The following ADGRG4 variants were observed in gnomAD, a reference collection of about 807,000 sequenced individuals.
ADGRG4 encodes the protein adhesion G protein-coupled receptor G4, also known as G protein-coupled receptor 112.
In ADGRG4, 122 loss-of-function variants were observed where a neutral mutation model predicts 126.2. The observed-to-expected ratio is 0.97, with a 90% CI of 0.83 to 1.12. The LOEUF (loss-of-function observed/expected upper bound fraction) is 1.12. Among genes scored for constraint, ADGRG4 ranks in the 50% most tolerant of loss-of-function variants. ADGRG4 has a pLI of 0.00. For missense variants in ADGRG4, 2,481 were observed against 2,251.8 expected, an observed-to-expected ratio of 1.10 and a Z score of -2.06; for synonymous variants, 943 against 838.7, an observed-to-expected ratio of 1.12 and a Z score of -2.15.
intron 8 of ADGRG4, 27 bp from the exon 9 acceptor site, chrX:136,356,099 T>C (rs2148473292): frequency 8.8e-7 from 1 of 1,132,042 alleles, no homozygotes; most frequent in Non-Finnish European, 1.2e-6. Flanking sequence ...TTCATTTTCC[T>C]ATAATTTTGT....
At chrX:136,355,484 T>C (rs746570543) in intron 8 of ADGRG4, among the ~76,000 whole-genome samples, 90 of 111,764 alleles carry the variant, frequency 8.1e-4, no homozygotes, top group African/African-American at 2.7e-3. Context: ...TTATTTTTCC[T>C]TATTACAAAA....
chrX:136,383,881 C>CTTCCTTTCCT lies in ADGRG4; in HGVS notation c.7777-3840_7777-3831dup, dbSNP rs199828604. 5.9e-4 allele frequency among the ~76,000 whole-genome samples: 31 copies of CTTCCTTTCCT among 52,460 alleles called. 2 individuals are homozygous for CTTCCTTTCCT. The highest frequency in any genetic ancestry group is 2.0e-3 in the African/African-American group (28 of 13,856). 45.6% of individuals were successfully genotyped at this position (52,460 alleles called of 115,157 possible). A position where few individuals can be genotyped will look rare whatever the true frequency, so the allele number is the denominator to read the frequency against. On this transcript the variant is annotated intron_variant, in intron 15 of 25. Transcript: ENST00000394143. ...TTCTTTCTTTCTTTCTTTCTTCTTT[C>CTTCCTTTCCT]TTCCTTTCCTTTCCTTTCCTTTCCT...
rs34982682 is a variant in ADGRG4, at chrX:136,398,188, TA to T, written c.8306+190del. Among the ~76,000 whole-genome samples, 772 of 112,203 alleles carry T rather than the reference TA, an allele frequency of 6.9e-3. 9 individuals are homozygous for T. Among genetic ancestry groups the T allele is most frequent in the African/African-American group, 0.024 (738 of 30,879 alleles). On this transcript the variant is annotated intron_variant, in intron 20 of 25. Coordinates refer to ENST00000394143, the MANE Select transcript of ADGRG4 (RefSeq NM_153834.4). The stretch of plus-strand genomic sequence containing the variant: ...TAAAAATATTTTAATTGGATTTTTG[TA>T]AAACAAGGGAGTTGGGATAGGAAAA...
Position 136,361,438 on chromosome X carries a change from A to G in ADGRG4, c.7145-17A>G, listed in dbSNP as rs772300017. On this transcript the variant is annotated splice_polypyrimidine_tract_variant and intron_variant, in intron 11 of 25. Coordinates refer to ENST00000394143, the MANE Select transcript of ADGRG4 (RefSeq NM_153834.4). ...GTGCCTCTTGTCCTTTAAAATGTGCATACATTTTCTCTGTAGAGCCTGGAA... is the reference window on the plus strand; with the variant it reads ...GTGCCTCTTGTCCTTTAAAATGTGCGTACATTTTCTCTGTAGAGCCTGGAA... 8.1e-6 allele frequency: 9 copies of G among 1,106,888 alleles called. No homozygotes were observed. In the South Asian group the frequency reaches 1.3e-4, roughly 16 times the overall value. The allele number at this position is 1,106,888 out of a possible 1,213,427, so 91.2% of individuals were successfully genotyped here. A position where few individuals can be genotyped will look rare whatever the true frequency, so the allele number is the denominator to read the frequency against.
chrX:136,333,252 G>A (rs953696930), intron 5 of ADGRG4, among the ~76,000 whole-genome samples: 5 of 110,728 alleles, frequency 4.5e-5, no homozygotes, highest in Non-Finnish European at 9.4e-5. Flanking sequence ...GAAAACCTAG[G>A]CATTACCATT....
At position 136,350,360 on chromosome X, in the gene ADGRG4, A is replaced by C; in HGVS notation, c.6654A>C (p.Thr2218=). The part of the protein sequence containing the change: ...VSSPISSFFE[T]TWLDSTPSFL... The stretch of plus-strand genomic sequence containing the variant: ...CACCAATATCGTCCTTTTTTGAAAC[A>C]ACTTGGCTGGACTCCACACCTTCCT... The change falls in exon 6 of 26, where the codon ACA becomes ACC. Residue 2218 remains threonine, a synonymous_variant. Transcript: ENST00000394143. 8.3e-7 allele frequency: 1 copy of C among 1,210,759 alleles called. No individual in the cohort carries two copies. The highest frequency in any genetic ancestry group is 1.1e-6 in the Non-Finnish European group (1 of 894,868).
Position 136,405,840 on chromosome X carries a change from A to G in ADGRG4, c.8803A>G (p.Ile2935Val). The G allele has an allele frequency of 8.3e-7, 1 of 1,210,496 alleles. No homozygotes were observed. Among genetic ancestry groups the G allele is most frequent in the Non-Finnish European group, 1.1e-6 (1 of 894,851 alleles). ...AATCCAGAAGACTCGGCGGAAGATGATCCTGCATGACCTCAAAGGCACAAT... is the reference window on the plus strand; with the variant it reads ...AATCCAGAAGACTCGGCGGAAGATGGTCCTGCATGACCTCAAAGGCACAAT... ...SQIQKTRRKMILHDLKGTMSL... is the reference protein window; with the variant it reads ...SQIQKTRRKMVLHDLKGTMSL... The change falls in exon 23 of 26, where the codon ATC becomes GTC. Residue 2935 changes from isoleucine (I) to valine (V), a missense_variant. Transcript: ENST00000394143.
intron 16 of ADGRG4, among the ~76,000 whole-genome samples, chrX:136,389,584 C>T (rs2075309104): frequency 8.9e-6 from 1 of 112,220 alleles, no homozygotes; most frequent in Non-Finnish European, 1.9e-5. Context: ...TAACTCATAT[C>T]ATCCCATCTA....
At position 136,403,276 on chromosome X, in the gene ADGRG4, A is replaced by G. The variant is rs2075388944; in HGVS notation, c.8608A>G (p.Ser2870Gly). Residue 2870 changes from serine to glycine, a missense_variant, in exon 22 of 26, where the codon AGT becomes GGT. Transcript: ENST00000394143. Reference protein sequence around the residue: ...IPAIMVAITVSVKKDLYGTLS... With the variant: ...IPAIMVAITVGVKKDLYGTLS... The stretch of plus-strand genomic sequence containing the variant: ...GGCTATCATGGTGGCAATCACAGTC[A>G]GTGTGAAAAAAGATCTGTATGGAAC... The G allele has an allele frequency of 8.3e-7, 1 of 1,210,492 alleles. No individual in the cohort carries two copies. Among genetic ancestry groups the G allele is most frequent in the Admixed American group, 2.2e-5 (1 of 46,097 alleles).
At chrX:136,383,838 CT>C (rs2075276694) in intron 15 of ADGRG4, among the ~76,000 whole-genome samples, 1 of 89,929 alleles carries the variant, frequency 1.1e-5, no homozygotes, top group African/African-American at 4.1e-5. Context: ...TTCTTTCTTT[CT>C]TTCTTTCTTT....
intron 15 of ADGRG4, among the ~76,000 whole-genome samples, chrX:136,373,890 A>G (rs1224379817): frequency 1.8e-5 from 2 of 111,510 alleles, no homozygotes; most frequent in East Asian, 5.6e-4. Flanking sequence ...GCTTGAGACC[A>G]GAAGATCAAG....
chrX:136,334,074 C>CTCTTTTCTTTCTT (rs1424866480), intron 5 of ADGRG4, among the ~76,000 whole-genome samples: 1 of 88,934 alleles, frequency 1.1e-5, no homozygotes, highest in African/African-American at 4.1e-5. Context: ...GAGGTTCTCT[C>CTCTTTTCTTTCTT]TCTTTCTTTC....
At chrX:136,301,325 C>A (rs1246305257) in intron 1 of ADGRG4, among the ~76,000 whole-genome samples, 2 of 112,416 alleles carry the variant, frequency 1.8e-5, no homozygotes, top group Admixed American at 9.4e-5. Context: ...ATTTGCATTT[C>A]TCTGATGGCC....
At chrX:136,382,747 A>G (rs979325525) in intron 15 of ADGRG4, among the ~76,000 whole-genome samples, 1 of 111,412 alleles carries the variant, frequency 9.0e-6, no homozygotes, top group African/African-American at 3.3e-5. Flanking sequence ...GTCCGGATCA[A>G]TCACCCCAGC....
chrX:136,351,977 T>C (rs1347799894), intron 7 of ADGRG4, among the ~76,000 whole-genome samples: 5 of 111,635 alleles, frequency 4.5e-5, no homozygotes, highest in Non-Finnish European at 9.4e-5. Flanking sequence ...TCCTTAATTT[T>C]TTCTTGATAT....
intron 24 of ADGRG4, among the ~76,000 whole-genome samples, chrX:136,412,697 G>T (rs1364825426): frequency 8.9e-6 from 1 of 112,409 alleles, no homozygotes; most frequent in Non-Finnish European, 1.9e-5. Flanking sequence ...GGGGCTTCTG[G>T]CTGGTAGCCA....
rs769610298 is a variant in ADGRG4, at chrX:136,345,031, C to A, written c.1325C>A (p.Ala442Asp). The A allele has an allele frequency of 8.3e-7, 1 of 1,211,186 alleles. No homozygotes were observed. Among genetic ancestry groups the A allele is most frequent in the Admixed American group, 2.2e-5 (1 of 45,990 alleles). Residue 442 changes from alanine (A) to aspartate (D), a missense_variant, in exon 6 of 26, where the codon GCT (alanine) becomes GAT (aspartate). By Grantham distance (126) the Ala-to-Asp change is moderately radical. Coordinates refer to ENST00000394143, the MANE Select transcript of ADGRG4 (RefSeq NM_153834.4). ...TAGQEFIEST[A>D]AGTVPWFTVE... is the part of the protein sequence containing the mutation. ...GGCCAGGAGTTCATTGAATCTACAGCTGCCGGAACTGTACCTTGGTTTACA... is the reference window on the plus strand; with the variant it reads ...GGCCAGGAGTTCATTGAATCTACAGATGCCGGAACTGTACCTTGGTTTACA...
intron 3 of ADGRG4, among the ~76,000 whole-genome samples, chrX:136,306,758 T>C (rs2074736244): frequency 9.5e-6 from 1 of 105,217 alleles, no homozygotes; most frequent in African/African-American, 3.5e-5. Flanking sequence ...TCTGTCGCCC[T>C]GGCTGGAGTG....
chrX:136,363,197 A>ACGCT (rs1435893237), intron 12 of ADGRG4, among the ~76,000 whole-genome samples: 2 of 111,721 alleles, frequency 1.8e-5, no homozygotes, highest in African/African-American at 6.5e-5. Context: ...CTCTGTCTTG[A>ACGCT]TGCTTGGTCA....
Sources: allele counts gnomAD v4.1 joint callset (sites outside exome capture counted in the v4.1 genomes callset), GRCh38; gene constraint gnomAD v4.1.1; transcripts MANE v1.5; gene names NCBI Gene and HGNC (gene_info 2026-07-23, HGNC 2026-07-21).